GTF2IRD1: variants seen among roughly 807,000 people sequenced by gnomAD.
The protein encoded by GTF2IRD1 is GTF2I repeat domain containing 1.
Under a neutral mutation model 113.2 loss-of-function variants are expected in GTF2IRD1, and 26 were observed. That is an observed-to-expected ratio of 0.23 (90% CI 0.17 to 0.32). GTF2IRD1 has a LOEUF of 0.32. Ranked by LOEUF, GTF2IRD1 falls within the 10% of genes least tolerant of loss-of-function variation. GTF2IRD1 has a pLI of 1.00. For synonymous variants in GTF2IRD1, 484 were observed against 529.1 expected, an observed-to-expected ratio of 0.91 and a Z score of 1.17; for missense variants, 864 against 1,280.8, an observed-to-expected ratio of 0.67 and a Z score of 4.97.
chr7:74,469,687 G>C lies in GTF2IRD1; in HGVS notation c.-7+15511G>C, dbSNP rs140700760. Reference sequence around the variant, plus strand: ...TCTGTTCATCAGTTATGGACATATGGGGTGTTTCTACTTTTTATTATTTTA... The same window carrying C: ...TCTGTTCATCAGTTATGGACATATGCGGTGTTTCTACTTTTTATTATTTTA... On this transcript the variant is annotated intron_variant, in intron 1 of 26. Coordinates refer to ENST00000424337, the MANE Select transcript of GTF2IRD1 (RefSeq NM_005685.4). Among the ~76,000 whole-genome samples the C allele has an allele frequency of 7.3e-3, 1,109 of 152,100 alleles. 13 individuals carry two copies. Among genetic ancestry groups the C allele is most frequent in the African/African-American group, 0.025 (1,032 of 41,508 alleles).
At chr7:74,578,729 C>T (rs1801232468) in intron 22 of GTF2IRD1, among the ~76,000 whole-genome samples, 1 of 152,164 alleles carries the variant, frequency 6.6e-6, no homozygotes, top group Non-Finnish European at 1.5e-5. Flanking sequence ...GGCACGATGG[C>T]TCATGTCTGT....
chr7:74,591,714 T>C (rs1212177557), intron 24 of GTF2IRD1, among the ~76,000 whole-genome samples: 2 of 151,956 alleles, frequency 1.3e-5, no homozygotes, highest in African/African-American at 2.4e-5. Flanking sequence ...ATCCTTACAA[T>C]CTTTTGGGTT....
intron 24 of GTF2IRD1, among the ~76,000 whole-genome samples, chr7:74,594,133 A>T (rs1280487959): frequency 3.3e-5 from 5 of 151,846 alleles, no homozygotes; most frequent in Non-Finnish European, 7.4e-5. Flanking sequence ...CAGGAGGTGG[A>T]GGTTGCAGTG....
At chr7:74,542,177 T>C (rs1253554159) in intron 14 of GTF2IRD1, among the ~76,000 whole-genome samples, 8 of 151,710 alleles carry the variant, frequency 5.3e-5, no homozygotes, top group African/African-American at 1.9e-4. Flanking sequence ...GCAGATCACC[T>C]GAGGCCAGGA....
chr7:74,472,382 G>T (rs118163205), intron 1 of GTF2IRD1, among the ~76,000 whole-genome samples: 1,786 of 152,308 alleles, frequency 0.012, 19 homozygotes, highest in Non-Finnish European at 0.017. Context: ...CTCTTTTTCA[G>T]ATGGGGAAAC....
intron 22 of GTF2IRD1, among the ~76,000 whole-genome samples, chr7:74,576,085 CAGG>C (rs1366504921): frequency 6.6e-6 from 1 of 151,852 alleles, no homozygotes; most frequent in Non-Finnish European, 1.5e-5. Flanking sequence ...GACTTGAGCT[CAGG>C]AGGTCAGGCT....
intron 22 of GTF2IRD1, among the ~76,000 whole-genome samples, chr7:74,576,869 C>T (rs190227509): frequency 3.7e-4 from 57 of 152,056 alleles, no homozygotes; most frequent in African/African-American, 1.3e-3. Flanking sequence ...GATCTGCCCA[C>T]TTTGGCCTTC....
chr7:74,520,842 C>T (rs933810761), intron 6 of GTF2IRD1, among the ~76,000 whole-genome samples: 93 of 129,088 alleles, frequency 7.2e-4, no homozygotes, highest in African/African-American at 2.2e-3. Context: ...GTTATATATA[C>T]TATTATTATT....
chr7:74,525,848 C>A (rs1797564814), intron 8 of GTF2IRD1, among the ~76,000 whole-genome samples: 1 of 152,004 alleles, frequency 6.6e-6, no homozygotes, highest in South Asian at 2.1e-4. Flanking sequence ...TCTCAATAGG[C>A]TGGGAAGTCA....
At chr7:74,547,017 G>GC (rs111796346) in intron 16 of GTF2IRD1, 86 bp from the exon 17 acceptor site, 1 of 1,247,288 alleles carries the variant, frequency 8.0e-7, no homozygotes. Flanking sequence ...TGGCAGCTTT[G>GC]CCCCCCGACA....
intron 1 of GTF2IRD1, among the ~76,000 whole-genome samples, chr7:74,498,444 A>C (rs1554338609): frequency 6.6e-6 from 1 of 152,078 alleles, no homozygotes; most frequent in African/African-American, 2.4e-5. Context: ...TTACTCATAG[A>C]GCAAAGGTTG....
intron 10 of GTF2IRD1, among the ~76,000 whole-genome samples, 194 bp downstream of exon 10, chr7:74,535,332 C>G (rs1341664566): frequency 1.3e-5 from 2 of 152,188 alleles, no homozygotes; most frequent in African/African-American, 2.4e-5. Flanking sequence ...GTCAGGACAA[C>G]CCCTCCCAGC....
chr7:74,553,399 T>C (rs1367236989), intron 17 of GTF2IRD1, among the ~76,000 whole-genome samples: 2 of 151,962 alleles, frequency 1.3e-5, no homozygotes, highest in Non-Finnish European at 2.9e-5. Flanking sequence ...CAAGCAATCC[T>C]GCTTCAGCCT....
intron 17 of GTF2IRD1, among the ~76,000 whole-genome samples, chr7:74,549,286 G>C (rs1233145158): frequency 2.1e-5 from 3 of 145,562 alleles, no homozygotes; most frequent in African/African-American, 7.9e-5. Context: ...CTGGGCAACA[G>C]AGCAAGACTC....
rs587697553 is a variant in GTF2IRD1, at chr7:74,543,281, G to A, written c.1619-1474G>A. ...CGCACCATTGCACTTCAGCCTGGGT[G>A]ACAAGAGCGAAACTCTGTCTAGAAA... On this transcript the variant is annotated intron_variant, in intron 14 of 26. Transcript: ENST00000424337. Among the ~76,000 whole-genome samples the A allele has an allele frequency of 2.0e-5, 3 of 152,158 alleles. No homozygotes were observed. In the East Asian group the frequency reaches 5.8e-4, roughly 29 times the overall value.
chr7:74,464,311 C>T (rs1793574154), intron 1 of GTF2IRD1, among the ~76,000 whole-genome samples: 1 of 152,200 alleles, frequency 6.6e-6, no homozygotes, highest in Non-Finnish European at 1.5e-5. Context: ...AAGAGTTTGT[C>T]AGTTTCCCAT....
intron 1 of GTF2IRD1, among the ~76,000 whole-genome samples, chr7:74,477,767 C>A (rs1481362424): frequency 1.3e-5 from 2 of 150,494 alleles, no homozygotes; most frequent in Non-Finnish European, 3.0e-5. Context: ...CCGGCTCAGG[C>A]GGGCAGGGCT....
intron 1 of GTF2IRD1, among the ~76,000 whole-genome samples, chr7:74,466,076 G>A (rs1480556992): frequency 6.6e-6 from 1 of 152,200 alleles, no homozygotes; most frequent in Non-Finnish European, 1.5e-5. Context: ...CGGACAGCAT[G>A]CCTCGGTTTC....
intron 1 of GTF2IRD1, among the ~76,000 whole-genome samples, chr7:74,455,528 G>A (rs781972381): frequency 2.6e-5 from 4 of 152,198 alleles, no homozygotes; most frequent in Non-Finnish European, 5.9e-5. Context: ...CACCAGCATC[G>A]ATTATTTATT....
Sources: allele counts gnomAD v4.1 joint callset (sites outside exome capture counted in the v4.1 genomes callset), GRCh38; gene constraint gnomAD v4.1.1; transcripts MANE v1.5; gene names NCBI Gene and HGNC (gene_info 2026-07-23, HGNC 2026-07-21).